ATIC: variants seen among roughly 807,000 people sequenced by gnomAD.
The protein encoded by ATIC is 5-aminoimidazole-4-carboxamide ribonucleotide formyltransferase/IMP cyclohydrolase.
In ATIC, 64 loss-of-function variants were observed where a neutral mutation model predicts 72.5. The ratio of observed to expected loss-of-function variants is 0.88; its 90% CI spans 0.72 to 1.09. ATIC has a LOEUF of 1.09. Ranked by LOEUF, ATIC falls within the 50% of genes least tolerant of loss-of-function variation. The pLI, the probability that ATIC is intolerant of heterozygous loss-of-function variation, is 0.00. For missense variants in ATIC, 787 were observed against 732.4 expected, an observed-to-expected ratio of 1.07 and a Z score of -0.86; for synonymous variants, 281 against 267.1, an observed-to-expected ratio of 1.05 and a Z score of -0.51.
intron 12 of ATIC, among the ~76,000 whole-genome samples, chr2:215,340,509 G>A (rs1438963619): frequency 6.6e-6 from 1 of 152,156 alleles, no homozygotes; most frequent in Non-Finnish European, 1.5e-5. Context: ...ATTTTTTATT[G>A]AGTGCTAGGC....
At chr2:215,361,262 T>TC in the ATIC span, 4 of 369,564 alleles carry the variant, frequency 1.1e-5, no homozygotes, top group Non-Finnish European at 2.0e-5. Flanking sequence ...GCATATGCTT[T>TC]CCTATTGATC....
intron 9 of ATIC, 36 bp downstream of exon 9, chr2:215,333,493 A>G (rs778843782): frequency 3.9e-6 from 6 of 1,538,682 alleles, no homozygotes; most frequent in Non-Finnish European, 5.4e-6. Flanking sequence ...TGGGGGAGAA[A>G]GAAAAAGCAA....
At chr2:215,350,222 C>G (rs775770717), downstream of ATIC, among the ~76,000 whole-genome samples, 1 of 152,112 alleles carries the variant, frequency 6.6e-6, no homozygotes, top group Admixed American at 6.6e-5. Flanking sequence ...CTGCAACCTC[C>G]GCCTCCCGGG....
At chr2:215,339,948 T>C (rs1313423208) in intron 12 of ATIC, among the ~76,000 whole-genome samples, 2 of 152,014 alleles carry the variant, frequency 1.3e-5, no homozygotes, top group Non-Finnish European at 2.9e-5. Context: ...TATTATTTTT[T>C]TTAAGAGACT....
At chr2:215,328,718 CTTTT>C (rs112676407) in intron 7 of ATIC, among the ~76,000 whole-genome samples, 1 of 137,666 alleles carries the variant, frequency 7.3e-6, no homozygotes. Flanking sequence ...TGGCAGCTTC[CTTTT>C]TTTTTTTTTT....
At chr2:215,323,297 A>G (rs2052790006) in intron 4 of ATIC, among the ~76,000 whole-genome samples, 1 of 152,144 alleles carries the variant, frequency 6.6e-6, no homozygotes, top group Non-Finnish European at 1.5e-5. Context: ...AGTCCCTTGC[A>G]TTTCCACATG....
At chr2:215,368,344 T>C in the ATIC span, among the ~76,000 whole-genome samples, 3 of 152,188 alleles carry the variant, frequency 2.0e-5, no homozygotes, top group East Asian at 1.9e-4. Context: ...TGGAGAACTT[T>C]AGTGGGATGC....
At chr2:215,354,696 A>G (rs867708459), downstream of ATIC, among the ~76,000 whole-genome samples, 4 of 149,660 alleles carry the variant, frequency 2.7e-5, no homozygotes, top group South Asian at 8.5e-4. Context: ...TTCCCTTCAA[A>G]TATTTCTGGT....
chr2:215,325,791 CCTGA>C (rs2052817090), intron 5 of ATIC, among the ~76,000 whole-genome samples, 192 bp from the exon 6 acceptor site: 1 of 152,118 alleles, frequency 6.6e-6, no homozygotes, highest in African/African-American at 2.4e-5. Flanking sequence ...GTCTCGAACT[CCTGA>C]CCTCAGGTGA....
At chr2:215,325,135 A>G in intron 4 of ATIC, 106 bp from the exon 5 acceptor site, 5 of 829,282 alleles carry the variant, frequency 6.0e-6, no homozygotes, top group Admixed American at 3.6e-5. Context: ...TTAGTTCTCT[A>G]TGGCTTTTGT....
At chr2:215,316,297 T>TAAG (rs1451520781) in intron 2 of ATIC, among the ~76,000 whole-genome samples, 7 of 152,198 alleles carry the variant, frequency 4.6e-5, no homozygotes, top group African/African-American at 1.4e-4. Flanking sequence ...AAATTTTGAA[T>TAAG]TTGAAAACAC....
rs956941513 is a variant in ATIC at position 215,334,921 on chromosome 2, G to T, written c.925G>T (p.Ala309Ser). 1 of 1,612,704 alleles carries T rather than the reference G, an allele frequency of 6.2e-7. No homozygotes were observed. Among genetic ancestry groups the T allele is most frequent in the Non-Finnish European group, 8.5e-7 (1 of 1,179,046 alleles). ...ISAAYARARG[A>S]DRMSSFGDFV... is the part of the protein sequence containing the mutation. ...CCTCATTTTAATTTTATTTACAGGG[G>T]CTGATAGGATGTCTTCATTTGGTGA... is the stretch of plus-strand genomic sequence containing the variant. Residue 309 changes from alanine to serine, a missense_variant and splice_region_variant, in exon 10 of 16, where the codon GCT becomes TCT. Transcript: ENST00000236959.
In ATIC at chr2:215,312,175, G is replaced by A; in HGVS notation, c.19+14G>A. On this transcript the variant is annotated intron_variant, in intron 1 of 15. Transcript: ENST00000236959. ...CCGGCCAGCTCGGTGAGGCCCTAGC[G>A]GAGCGGCGCGGTCTGCGTCCTCGCC... 1 of 1,502,884 alleles carries A rather than the reference G, an allele frequency of 6.7e-7. No individual in the cohort carries two copies. Among genetic ancestry groups the A allele is most frequent in the Non-Finnish European group, 8.8e-7 (1 of 1,133,744 alleles). 93.1% of individuals were successfully genotyped at this position (1,502,884 alleles called of 1,614,324 possible).
chr2:215,316,699 A>G (rs767922972), intron 2 of ATIC, among the ~76,000 whole-genome samples: 1 of 152,218 alleles, frequency 6.6e-6, no homozygotes. Context: ...ATAAGCATGT[A>G]CTTTATTTCA....
At chr2:215,349,838 T>C (rs560889793), downstream of ATIC, 33 of 1,098,122 alleles carry the variant, frequency 3.0e-5, no homozygotes, top group Admixed American at 1.3e-4. Context: ...ACATAACACA[T>C]AAATGAGGAA....
chr2:215,328,948 C>G (rs952524745), intron 7 of ATIC, among the ~76,000 whole-genome samples: 27 of 152,192 alleles, frequency 1.8e-4, no homozygotes, highest in African/African-American at 6.5e-4. Context: ...AACTCCTGAC[C>G]TCAGGTGATC....
chr2:215,322,329 C>CTT (rs762086501), intron 4 of ATIC, among the ~76,000 whole-genome samples: 17 of 137,278 alleles, frequency 1.2e-4, no homozygotes, highest in African/African-American at 3.3e-4. Context: ...TATTTTCTTT[C>CTT]TTTTTTTTTT....
chr2:215,326,170 C>T (rs1559270587), intron 6 of ATIC, 32 bp downstream of exon 6: 2 of 1,613,104 alleles, frequency 1.2e-6, no homozygotes, highest in Non-Finnish European at 1.7e-6. Flanking sequence ...TTGTAAGTTA[C>T]ATCCATGGAG....
At chr2:215,361,386 AG>A in the ATIC span, 1 of 716,578 alleles carries the variant, frequency 1.4e-6, no homozygotes, top group East Asian at 2.5e-5. Flanking sequence ...GGAAACTCCC[AG>A]GGTGATGCTT....
Sources: allele counts gnomAD v4.1 joint callset (sites outside exome capture counted in the v4.1 genomes callset), GRCh38; gene constraint gnomAD v4.1.1; transcripts MANE v1.5; gene names NCBI Gene and HGNC (gene_info 2026-07-23, HGNC 2026-07-21).